BIRC6: variants seen among roughly 807,000 people sequenced by gnomAD.
The protein encoded by BIRC6 is dual E2 ubiquitin-conjugating enzyme/E3 ubiquitin-protein ligase BIRC6.
A neutral mutation model predicts 503.3 loss-of-function variants in BIRC6; 98 were observed. The observed-to-expected ratio is 0.19, with a 90% CI of 0.17 to 0.23. The LOEUF (loss-of-function observed/expected upper bound fraction) is 0.23. Among genes scored for constraint, BIRC6 ranks in the 10% least tolerant of loss-of-function variants. The probability of loss-of-function intolerance (pLI) is 1.00; values close to 1 mark genes in which losing one functional copy is unlikely to be tolerated. For missense variants in BIRC6, 5,360 were observed against 5,806.0 expected, an observed-to-expected ratio of 0.92 and a Z score of 2.50; for synonymous variants, 2,240 against 2,078.7, an observed-to-expected ratio of 1.08 and a Z score of -2.11.
Position 32,556,881 on chromosome 2 carries a change from G to A in BIRC6, c.13144+7400G>A, listed in dbSNP as rs180994917. Reference sequence around the variant, plus strand: ...TTGAAGCCGGGAGGCAGAGGTTGCAGTGAGTCAAGAACGAGCCACTGCATT... The same window carrying A: ...TTGAAGCCGGGAGGCAGAGGTTGCAATGAGTCAAGAACGAGCCACTGCATT... On this transcript the variant is annotated intron_variant, in intron 65 of 73. Coordinates refer to ENST00000421745, the MANE Select transcript of BIRC6 (RefSeq NM_016252.4). Among the ~76,000 whole-genome samples, 92 of 152,264 alleles carry A rather than the reference G, an allele frequency of 6.0e-4. 1 individual carries two copies. The highest frequency in any genetic ancestry group is 5.6e-3 in the Admixed American group (86 of 15,298).
At chr2:32,498,517 T>C (rs2149429656) in intron 45 of BIRC6, among the ~76,000 whole-genome samples, 1 of 152,370 alleles carries the variant, frequency 6.6e-6, no homozygotes, top group Middle Eastern at 3.4e-3. Context: ...GTCATGTTTT[T>C]ACTGTTTATA....
intron 49 of BIRC6, among the ~76,000 whole-genome samples, chr2:32,504,449 T>C (rs1350685943): frequency 1.3e-5 from 2 of 151,596 alleles, no homozygotes; most frequent in South Asian, 2.1e-4. Context: ...GGGTGGATCA[T>C]GAGGTCAGGA....
rs371437947 is a variant in BIRC6, at chr2:32,435,529, C to T, written c.3443C>T (p.Pro1148Leu). 1.2e-5 allele frequency: 19 copies of T among 1,554,446 alleles called. No individual in the cohort carries two copies. Among genetic ancestry groups the T allele is most frequent in the East Asian group, 2.4e-5 (1 of 41,586 alleles). ...ATTGAAGTGGAACAAAATGGGAAACCGTCCCTGGTTGATTTGAATGAAGAA... is the reference window on the plus strand; with the variant it reads ...ATTGAAGTGGAACAAAATGGGAAACTGTCCCTGGTTGATTTGAATGAAGAA... ...LNIEVEQNGKPSLVDLNEEMQ... is the reference protein window; with the variant it reads ...LNIEVEQNGKLSLVDLNEEMQ... Residue 1148 changes from proline (P) to leucine (L), a missense_variant, in exon 14 of 74, where the codon CCG (proline) becomes CTG (leucine). Transcript: ENST00000421745.
At chr2:32,554,016 T>C (rs2058618959) in intron 65 of BIRC6, among the ~76,000 whole-genome samples, 1 of 152,186 alleles carries the variant, frequency 6.6e-6, no homozygotes, top group African/African-American at 2.4e-5. Flanking sequence ...AGCCCTTGTA[T>C]AGTATGGAGT....
intron 72 of BIRC6, among the ~76,000 whole-genome samples, chr2:32,609,139 C>T (rs2062676984): frequency 6.6e-6 from 1 of 152,168 alleles, no homozygotes; most frequent in Non-Finnish European, 1.5e-5. Context: ...CCGCCTCGGC[C>T]TTCCAGACTG....
chr2:32,484,681 A>G, intron 39 of BIRC6, among the ~76,000 whole-genome samples: 1 of 152,254 alleles, frequency 6.6e-6, no homozygotes, highest in Middle Eastern at 3.4e-3. Context: ...AAATTGTGGA[A>G]AAATGTAAAT....
chr2:32,491,625 A>C (rs1306666281), intron 44 of BIRC6, 67 bp downstream of exon 44: 1 of 1,493,986 alleles, frequency 6.7e-7, no homozygotes, highest in African/African-American at 1.4e-5. Context: ...ATGTAAAGCT[A>C]TGTAACTTTT....
chr2:32,401,499 G>A lies in BIRC6; in HGVS notation c.1294G>A (p.Ala432Thr). 6.2e-7 allele frequency: 1 copy of A among 1,613,986 alleles called. No homozygotes were observed. The highest frequency in any genetic ancestry group is 8.5e-7 in the Non-Finnish European group (1 of 1,179,876). Residue 432 changes from alanine to threonine, a missense_variant, in exon 8 of 74, where the codon GCA becomes ACA. Around this residue, in one of 16 missense-constraint regions of BIRC6, gnomAD observed 700 missense variants for 739.3 expected, o/e 0.95. Coordinates refer to ENST00000421745, the MANE Select transcript of BIRC6 (RefSeq NM_016252.4). ...GTTTGAAATTAATGCCTATGATCCA[G>A]CAATTGTACAACAGCTTATTCTATC... ...LKFEINAYDPAIVQQLILSGD... is the reference protein window; with the variant it reads ...LKFEINAYDPTIVQQLILSGD...
At chr2:32,496,378 C>T (rs1463056575) in intron 45 of BIRC6, among the ~76,000 whole-genome samples, 1 of 152,026 alleles carries the variant, frequency 6.6e-6, no homozygotes, top group Non-Finnish European at 1.5e-5. Flanking sequence ...GGCCCATCAC[C>T]ATGCCTGGCT....
rs559473048 is a variant in BIRC6 at position 32,570,961 on chromosome 2, CTTATT to C, written c.13145-4172_13145-4168del. ...TACAGGTTTTTGCCATCACATCTGG[CTTATT>C]TTATTTTATTTTATTTTATTTTTGT... is the stretch of plus-strand genomic sequence containing the variant. On this transcript the variant is annotated intron_variant, in intron 65 of 73. Transcript: ENST00000421745. Among the ~76,000 whole-genome samples, 330 of 152,074 alleles carry C rather than the reference CTTATT, an allele frequency of 2.2e-3. 1 individual carries two copies. The highest frequency in any genetic ancestry group is 7.0e-3 in the African/African-American group (292 of 41,474).
intron 3 of BIRC6, among the ~76,000 whole-genome samples, chr2:32,381,221 G>A (rs1425238258): frequency 1.3e-5 from 2 of 151,940 alleles, no homozygotes; most frequent in Non-Finnish European, 2.9e-5. Context: ...ATTGTGTTAT[G>A]ATATACCTTG....
intron 47 of BIRC6, 86 bp from the exon 48 acceptor site, chr2:32,502,709 A>T: frequency 1.0e-6 from 1 of 993,570 alleles, no homozygotes; most frequent in Non-Finnish European, 1.4e-6. Flanking sequence ...TACAAAAATT[A>T]ACTAGGAAGG....
chr2:32,395,613 G>T lies in BIRC6; in HGVS notation c.1034+20G>T. 1.9e-6 allele frequency: 3 copies of T among 1,558,786 alleles called. No individual in the cohort carries two copies. Among genetic ancestry groups the T allele is most frequent in the South Asian group, 1.1e-5 (1 of 89,646 alleles). Reference sequence around the variant, plus strand: ...ACCTTGGTGAGTCTTGATGTTTCTGGGCATAATAGGCTAAGTCAGTCGTGT... The same window carrying T: ...ACCTTGGTGAGTCTTGATGTTTCTGTGCATAATAGGCTAAGTCAGTCGTGT... On this transcript the variant is annotated intron_variant, in intron 6 of 73. Transcript: ENST00000421745.
At position 32,525,410 on chromosome 2, in the gene BIRC6, T is replaced by C; in HGVS notation, c.11756-54T>C. 2.5e-6 allele frequency: 4 copies of C among 1,579,920 alleles called. 1 individual carries two copies. The South Asian group carries it at 4.4e-5, about 18-fold the overall frequency. On this transcript the variant is annotated intron_variant, in intron 58 of 73. Coordinates refer to ENST00000421745, the MANE Select transcript of BIRC6 (RefSeq NM_016252.4). ...TTAAAATATTTTAGGAACACTGTTTTCCTTCATATTAGTGTGTTGACTATG... is the reference window on the plus strand; with the variant it reads ...TTAAAATATTTTAGGAACACTGTTTCCCTTCATATTAGTGTGTTGACTATG...
chr2:32,564,294 G>A (rs1409581862), intron 65 of BIRC6: 1 of 152,292 alleles, frequency 6.6e-6, no homozygotes, highest in East Asian at 1.9e-4. Flanking sequence ...GATGTTGAAT[G>A]TATCAGTAGT....
chr2:32,573,674 A>G (rs1189466115), intron 65 of BIRC6, among the ~76,000 whole-genome samples: 1 of 152,236 alleles, frequency 6.6e-6, no homozygotes, highest in East Asian at 1.9e-4. Context: ...TCACTCTTAG[A>G]TACAAATAAT....
At position 32,401,188 on chromosome 2, in the gene BIRC6, A is replaced by G. The variant is rs1337718173; in HGVS notation, c.1060A>G (p.Asn354Asp). 2 of 1,613,920 alleles carry G rather than the reference A, an allele frequency of 1.2e-6. No homozygotes were observed. The highest frequency in any genetic ancestry group is 2.2e-5 in the East Asian group (1 of 44,906). ...GTCTGAACACGAAAGACATTCCCCA[A>G]ACTGCCCATTTGTGAAAGGTGAGCA... ...PWSEHERHSP[N>D]CPFVKGEHTQ... Residue 354 changes from asparagine (N) to aspartate (D), a missense_variant, in exon 7 of 74, where the codon AAC (asparagine) becomes GAC (aspartate). Asn to Asp is a conservative substitution (Grantham distance 23). Coordinates refer to ENST00000421745, the MANE Select transcript of BIRC6 (RefSeq NM_016252.4).
At chr2:32,434,972 T>C (rs2044538289) in intron 13 of BIRC6, among the ~76,000 whole-genome samples, 1 of 152,210 alleles carries the variant, frequency 6.6e-6, no homozygotes, top group Non-Finnish European at 1.5e-5. Context: ...ACAAATATTA[T>C]GCCATTTTAT....
intron 6 of BIRC6, among the ~76,000 whole-genome samples, chr2:32,400,551 C>T (rs2149727868): frequency 6.6e-6 from 1 of 152,066 alleles, no homozygotes; most frequent in East Asian, 1.9e-4. Context: ...GTTGGTCAGG[C>T]TGGCGTCGAA....
Sources: gnomAD v4.1 joint callset for allele counts (sites outside exome capture counted in the v4.1 genomes callset) on GRCh38, gnomAD v4.1.1 for gene constraint, gnomAD v4.1.1 regional missense constraint, MANE v1.5 for transcripts, NCBI Gene and HGNC (gene_info 2026-07-23, HGNC 2026-07-21) for gene names.